Variants in PCSK5 observed in about 807,000 individuals in gnomAD.
The protein encoded by PCSK5 is proprotein convertase subtilisin/kexin type 5.
PCSK5 carries 129 observed loss-of-function variants against 233.2 expected under a neutral mutation model. The ratio of observed to expected loss-of-function variants is 0.55; its 90% CI spans 0.48 to 0.64. PCSK5 has a LOEUF of 0.64. PCSK5 is among the 30% of genes least tolerant of loss of function. PCSK5 has a pLI of 0.00. For synonymous variants in PCSK5, 825 were observed against 879.2 expected (o/e 0.94, Z 1.09); for missense variants, 2,076 against 2,430.1 (o/e 0.85, Z 3.06).
chr9:76,140,537 A>C (rs1036861532), intron 10 of PCSK5, among the ~76,000 whole-genome samples: 1 of 39,908 alleles, frequency 2.5e-5, no homozygotes, highest in Non-Finnish European at 4.4e-5. Context: ...CGGAACTGTG[A>C]TGTGAATTAG....
intron 20 of PCSK5, among the ~76,000 whole-genome samples, chr9:76,218,469 T>C (rs1825616460): frequency 6.6e-6 from 1 of 152,172 alleles, no homozygotes; most frequent in South Asian, 2.1e-4. Context: ...GTTTAGATGA[T>C]GTTCACACAG....
chr9:76,044,250 A>G (rs1239087648), intron 5 of PCSK5, among the ~76,000 whole-genome samples: 1 of 152,206 alleles, frequency 6.6e-6, no homozygotes, highest in Admixed American at 6.5e-5. Context: ...AGGAATATGA[A>G]TAGTAAATGA....
At chr9:76,096,852 C>T (rs1306119961) in intron 8 of PCSK5, among the ~76,000 whole-genome samples, 1 of 152,110 alleles carries the variant, frequency 6.6e-6, no homozygotes, top group African/African-American at 2.4e-5. Flanking sequence ...CCTCCCGCCT[C>T]AGCTTCCCAA....
intron 22 of PCSK5, among the ~76,000 whole-genome samples, chr9:76,235,137 G>A (rs1009563923): frequency 3.0e-4 from 46 of 152,136 alleles, no homozygotes; most frequent in Non-Finnish European, 6.2e-4. Context: ...TCTGGTATAT[G>A]GAAGGTTCAT....
In PCSK5 at chr9:76,032,896, C is replaced by T. The variant is rs1477549176; in HGVS notation, c.632+5859C>T. Among the ~76,000 whole-genome samples, 20 of 152,254 alleles carry T rather than the reference C, an allele frequency of 1.3e-4. No individual in the cohort carries two copies. The South Asian group carries it at 2.1e-3, about 16-fold the overall frequency. ...TGAAACCACAGCATTATATTTTGAA[C>T]GAGCGGTATGTGGGCCCAGAGTCTA... On this transcript the variant is annotated intron_variant, in intron 5 of 37. Coordinates refer to ENST00000674117, the MANE Select transcript of PCSK5 (RefSeq NM_001372043.1).
At chr9:76,040,214 A>C (rs1829034910) in intron 5 of PCSK5, among the ~76,000 whole-genome samples, 1 of 152,086 alleles carries the variant, frequency 6.6e-6, no homozygotes, top group Non-Finnish European at 1.5e-5. Flanking sequence ...AACACTCCTC[A>C]CTTCATGTAC....
Position 76,116,392 on chromosome 9 carries a change from C to T in PCSK5, c.1208+9041C>T, listed in dbSNP as rs180844535. 2.6e-5 allele frequency among the ~76,000 whole-genome samples: 4 copies of T among 152,138 alleles called. No individual in the cohort carries two copies. The East Asian group carries it at 5.8e-4, about 22-fold the overall frequency. On this transcript the variant is annotated intron_variant, in intron 9 of 37. Transcript: ENST00000674117. ...TATTGAGTAAGCACCATATGTGTGA[C>T]TAAGATGAAGTAAAAGTTTATGTTG...
chr9:76,167,355 A>G (rs1823127371), intron 12 of PCSK5, among the ~76,000 whole-genome samples: 1 of 152,224 alleles, frequency 6.6e-6, no homozygotes, highest in Admixed American at 6.5e-5. Context: ...TGAAGATCTG[A>G]GATGTCCTCT....
chr9:76,136,501 C>T lies in PCSK5; in HGVS notation c.1312+2289C>T, dbSNP rs575805870. On this transcript the variant is annotated intron_variant, in intron 10 of 37. Transcript: ENST00000674117. Reference sequence around the variant, plus strand: ...GGTCAGCCGGCTTTTGCAGGTCTTGCTTAGCAGGAATCCATAGTCACGTAT... The same window carrying T: ...GGTCAGCCGGCTTTTGCAGGTCTTGTTTAGCAGGAATCCATAGTCACGTAT... Among the ~76,000 whole-genome samples the T allele has an allele frequency of 1.9e-3, 283 of 152,158 alleles. 1 individual carries two copies. The highest frequency in any genetic ancestry group is 6.2e-3 in the African/African-American group (256 of 41,526).
intron 1 of PCSK5, among the ~76,000 whole-genome samples, chr9:75,900,872 G>A (rs1249616052): frequency 6.6e-6 from 1 of 151,934 alleles, no homozygotes. Context: ...CCACTAGCTG[G>A]TGAGCTTTTT....
At chr9:76,017,302 G>C (rs1392979537) in intron 3 of PCSK5, among the ~76,000 whole-genome samples, 1 of 152,026 alleles carries the variant, frequency 6.6e-6, no homozygotes, top group Non-Finnish European at 1.5e-5. Context: ...TATCTCTCCA[G>C]ACAATGAAGA....
intron 1 of PCSK5, among the ~76,000 whole-genome samples, chr9:75,930,841 A>G (rs1823757190): frequency 6.6e-6 from 1 of 152,208 alleles, no homozygotes; most frequent in Non-Finnish European, 1.5e-5. Flanking sequence ...CCACTCCTGA[A>G]TTCTACCCTT....
chr9:76,299,115 G>A lies in PCSK5; in HGVS notation c.3523+2250G>A, dbSNP rs188517632. Among the ~76,000 whole-genome samples, 7 of 152,312 alleles carry A rather than the reference G, an allele frequency of 4.6e-5. No individual in the cohort carries two copies. In the East Asian group the frequency reaches 1.2e-3, roughly 25 times the overall value. Reference sequence around the variant, plus strand: ...ATCAGAATGAGAATGACAACAGTGAGAGAGCCACCATTCTTTGCCAACTGC... The same window carrying A: ...ATCAGAATGAGAATGACAACAGTGAAAGAGCCACCATTCTTTGCCAACTGC... On this transcript the variant is annotated intron_variant, in intron 27 of 37. Transcript: ENST00000674117.
intron 1 of PCSK5, among the ~76,000 whole-genome samples, chr9:75,903,562 A>G (rs11144673): frequency 0.35 from 47,070 of 136,252 alleles, 8,855 homozygotes; most frequent in African/African-American, 0.47. Flanking sequence ...GTGTGTATAT[A>G]TGTGTGTGTG....
intron 26 of PCSK5, 117 bp from the exon 27 acceptor site, chr9:76,296,542 CAAAAAT>C: frequency 1.5e-6 from 1 of 659,520 alleles, no homozygotes; most frequent in Non-Finnish European, 2.7e-6. Context: ...GACTCCATCT[CAAAAAT>C]AATAATAAAA....
chr9:75,979,828 C>G (rs1289384572), intron 2 of PCSK5, among the ~76,000 whole-genome samples: 2 of 152,192 alleles, frequency 1.3e-5, no homozygotes, highest in Non-Finnish European at 2.9e-5. Context: ...CACTTTCTAC[C>G]TCCTTACATT....
intron 9 of PCSK5, among the ~76,000 whole-genome samples, chr9:76,113,783 TAAA>T (rs761477868): frequency 2.6e-5 from 4 of 152,136 alleles, no homozygotes; most frequent in Non-Finnish European, 5.9e-5. Flanking sequence ...TTTTTTAAAT[TAAA>T]AACACATTTT....
At chr9:76,025,400 GGAGAGAGAGA>G (rs34224740) in intron 4 of PCSK5, among the ~76,000 whole-genome samples, 1 of 148,510 alleles carries the variant, frequency 6.7e-6, no homozygotes, top group African/African-American at 2.5e-5. Flanking sequence ...AAAAAAATGA[GGAGAGAGAGA>G]GAGAGAGAGA....
intron 25 of PCSK5, among the ~76,000 whole-genome samples, chr9:76,292,783 A>G (rs891691507): frequency 6.6e-6 from 1 of 152,150 alleles, no homozygotes; most frequent in Non-Finnish European, 1.5e-5. Context: ...CAAAAATGGC[A>G]TGTTTCAATA....
Sources: allele counts gnomAD v4.1 joint callset (sites outside exome capture counted in the v4.1 genomes callset), GRCh38; gene constraint gnomAD v4.1.1; transcripts MANE v1.5; gene names NCBI Gene and HGNC (gene_info 2026-07-23, HGNC 2026-07-21).